The following DSE variants were observed in gnomAD, a reference collection of about 807,000 sequenced individuals.
The protein encoded by DSE is dermatan sulfate epimerase.
In DSE, 36 loss-of-function variants were observed where a neutral mutation model predicts 84.4. The ratio of observed to expected loss-of-function variants is 0.43; its 90% CI spans 0.33 to 0.56. The LOEUF (loss-of-function observed/expected upper bound fraction) is 0.56. Ranked by LOEUF, DSE falls within the 20% of genes least tolerant of loss-of-function variation. The probability of loss-of-function intolerance (pLI) is 0.06; values close to 1 mark genes in which losing one functional copy is unlikely to be tolerated. For missense variants in DSE, 862 were observed against 1,169.6 expected (o/e 0.74, Z 3.84); for synonymous variants, 410 against 430.1 (o/e 0.95, Z 0.58).
chr6:116,399,764 T>C (rs556212076), intron 2 of DSE, 98 bp downstream of exon 2: 1 of 1,148,124 alleles, frequency 8.7e-7, no homozygotes, highest in African/African-American at 1.5e-5. Flanking sequence ...TGTACCTCTT[T>C]GTGTATGTGT....
chr6:116,382,163 C>G (rs757017083), intron 1 of DSE, among the ~76,000 whole-genome samples: 3 of 151,782 alleles, frequency 2.0e-5, no homozygotes, highest in Admixed American at 1.3e-4. Context: ...CTAATTAAAT[C>G]TGCATGACCC....
intron 2 of DSE, among the ~76,000 whole-genome samples, chr6:116,410,719 G>A (rs1312450750): frequency 4.4e-5 from 5 of 112,704 alleles, no homozygotes; most frequent in Non-Finnish European, 6.8e-5. Flanking sequence ...GGGCGACAGA[G>A]CGAGACTCTG....
intron 2 of DSE, among the ~76,000 whole-genome samples, chr6:116,290,591 A>G (rs1272012077): frequency 2.0e-5 from 3 of 152,058 alleles, no homozygotes; most frequent in African/African-American, 7.2e-5. Context: ...GCAAATAAAT[A>G]TTTTATTAAT....
intron 2 of DSE, among the ~76,000 whole-genome samples, chr6:116,311,090 G>A (rs1775669112): frequency 6.6e-6 from 1 of 152,100 alleles, no homozygotes; most frequent in African/African-American, 2.4e-5. Context: ...ACTTTTGTAT[G>A]GCTTGCTCTC....
chr6:116,387,947 A>ACTTC (rs1435353461), intron 1 of DSE, among the ~76,000 whole-genome samples: 1 of 152,180 alleles, frequency 6.6e-6, no homozygotes, highest in Non-Finnish European at 1.5e-5. Flanking sequence ...GAGAGTGAGT[A>ACTTC]CTAGGAAAGG....
intron 2 of DSE, among the ~76,000 whole-genome samples, chr6:116,330,338 T>TA (rs1325636588): frequency 6.6e-6 from 1 of 152,234 alleles, no homozygotes; most frequent in Non-Finnish European, 1.5e-5. Context: ...GAAGGCGTAT[T>TA]AAAAATGGTC....
intron 2 of DSE, among the ~76,000 whole-genome samples, chr6:116,297,247 A>T (rs1002087747): frequency 5.9e-5 from 9 of 152,068 alleles, no homozygotes; most frequent in Admixed American, 6.6e-5. Context: ...CTAAAGTCAG[A>T]TGGGAGTTGG....
At chr6:116,280,615 T>C (rs151286877) in intron 2 of DSE, among the ~76,000 whole-genome samples, 1 of 152,226 alleles carries the variant, frequency 6.6e-6, no homozygotes, top group Admixed American at 6.5e-5. Context: ...CATATTTAGT[T>C]ATGTAAGATA....
chr6:116,296,583 G>T (rs997272707), intron 2 of DSE, among the ~76,000 whole-genome samples: 1 of 152,234 alleles, frequency 6.6e-6, no homozygotes, highest in African/African-American at 2.4e-5. Context: ...CCTGAGTGGT[G>T]AGAAGGTGTC....
At chr6:116,415,885 G>A (rs1185227822) in intron 2 of DSE, among the ~76,000 whole-genome samples, 1 of 152,154 alleles carries the variant, frequency 6.6e-6, no homozygotes, top group Non-Finnish European at 1.5e-5. Context: ...TACAAATGCT[G>A]TAACAAATTA....
chr6:116,396,429 T>C (rs1281799560), intron 1 of DSE, among the ~76,000 whole-genome samples: 1 of 152,194 alleles, frequency 6.6e-6, no homozygotes, highest in Non-Finnish European at 1.5e-5. Context: ...AATGCCACGG[T>C]TCTTTCTCCT....
At chr6:116,402,942 G>T (rs969336678) in intron 2 of DSE, among the ~76,000 whole-genome samples, 8 of 152,158 alleles carry the variant, frequency 5.3e-5, no homozygotes, top group Admixed American at 4.6e-4. Context: ...AGAGGTTAAA[G>T]TTCACCTCTA....
At chr6:116,374,776 G>C (rs906504653) in intron 1 of DSE, among the ~76,000 whole-genome samples, 1 of 151,960 alleles carries the variant, frequency 6.6e-6, no homozygotes. Flanking sequence ...TCTCATTCCC[G>C]TGATTACCCA....
intron 2 of DSE, among the ~76,000 whole-genome samples, chr6:116,410,628 G>A (rs1782266520): frequency 6.6e-6 from 1 of 151,420 alleles, no homozygotes; most frequent in Admixed American, 6.6e-5. Context: ...CAGCTACTGG[G>A]GAGGCTGAGG....
intron 2 of DSE, among the ~76,000 whole-genome samples, chr6:116,361,789 T>G (rs994355478): frequency 2.6e-5 from 4 of 152,212 alleles, no homozygotes; most frequent in African/African-American, 9.7e-5. Context: ...ATAAAGAAGC[T>G]TATATTTAGC....
rs996395004 is a variant in DSE, at chr6:116,258,444, A to G, written c.-575-2A>G. The G allele has an allele frequency of 7.4e-6, 6 of 811,464 alleles. No individual in the cohort carries two copies. The highest frequency in any genetic ancestry group is 1.3e-5 in the Non-Finnish European group (6 of 459,210). The allele number at this position is 811,464 out of a possible 1,614,324, so 50.3% of individuals were successfully genotyped here. ...TTGTAATTTTTTTGCTTTTTTTGGT[A>G]GGGCTGCCCTGAAGGGCAGACAGGT... is the stretch of plus-strand genomic sequence containing the variant. On this transcript the variant is annotated splice_acceptor_variant, in intron 1 of 3. Coordinates refer to the DSE transcript ENST00000430252. LOFTEE classifies it low-confidence loss of function (5UTR_SPLICE).
At chr6:116,322,865 C>G (rs1776409981) in intron 2 of DSE, among the ~76,000 whole-genome samples, 1 of 152,128 alleles carries the variant, frequency 6.6e-6, no homozygotes, top group South Asian at 2.1e-4. Context: ...AATAATGTTT[C>G]AGAAGAGTAA....
chr6:116,295,189 A>T (rs900301369), intron 2 of DSE, among the ~76,000 whole-genome samples: 4 of 152,152 alleles, frequency 2.6e-5, no homozygotes, highest in African/African-American at 9.7e-5. Flanking sequence ...TAGGACTTGA[A>T]GGCAGAAGAA....
In DSE at chr6:116,383,024, G is replaced by T. The variant is rs1286926333; in HGVS notation, c.-54+11903G>T. Among the ~76,000 whole-genome samples, 6 of 152,300 alleles carry T rather than the reference G, an allele frequency of 3.9e-5. No homozygotes were observed. In the East Asian group the frequency reaches 9.6e-4, roughly 24 times the overall value. On this transcript the variant is annotated intron_variant, in intron 1 of 5. Transcript: ENST00000644252. Reference sequence around the variant, plus strand: ...GAATTGAAGAGGCTGCCTCCATGTTGCTTGTGAATTGGTAGGATGTGAGAT... The same window carrying T: ...GAATTGAAGAGGCTGCCTCCATGTTTCTTGTGAATTGGTAGGATGTGAGAT...
Sources: allele counts gnomAD v4.1 joint callset (sites outside exome capture counted in the v4.1 genomes callset), GRCh38; gene constraint gnomAD v4.1.1; transcripts MANE v1.5; gene names NCBI Gene and HGNC (gene_info 2026-07-23, HGNC 2026-07-21).